The following SNED1 variants were observed in gnomAD, a reference collection of about 807,000 sequenced individuals.
The protein encoded by SNED1 is sushi, nidogen and EGF like domains 1, also known as sushi, nidogen and EGF-like domain-containing protein 1.
SNED1 carries 81 observed loss-of-function variants against 166.7 expected under a neutral mutation model. The observed-to-expected ratio is 0.49, with a 90% CI of 0.41 to 0.58. The LOEUF (loss-of-function observed/expected upper bound fraction) is 0.58, where lower values mean the gene tolerates loss of function less well. SNED1 is among the 20% of genes least tolerant of loss of function. The pLI is 0.00. For synonymous variants in SNED1, 762 were observed against 822.0 expected (o/e 0.93, Z 1.25); for missense variants, 1,604 against 2,000.2 (o/e 0.80, Z 3.78).
chr2:241,068,921 C>A lies in SNED1; in HGVS notation c.3205C>A (p.Pro1069Thr). Residue 1069 changes from proline (P) to threonine (T), a missense_variant, in exon 23 of 32, where the codon CCT becomes ACT. Pro to Thr is a conservative substitution (Grantham distance 38). Coordinates refer to ENST00000310397, the MANE Select transcript of SNED1 (RefSeq NM_001080437.3). This position sits in a 1 kb window ranked among gnomAD's most constrained non-coding sequence, Gnocchi z 5.3. ...VDRFTFRALL[P>T]GKRYTIQLTT... Reference sequence around the variant, plus strand: ...ACCTCCTGCCCACAGGGCCCTGCTGCCTGGGAAGAGGTACACCATCCAGCT... The same window carrying A: ...ACCTCCTGCCCACAGGGCCCTGCTGACTGGGAAGAGGTACACCATCCAGCT... The A allele has an allele frequency of 1.3e-6, 2 of 1,551,254 alleles. No individual in the cohort carries two copies. Among genetic ancestry groups the A allele is most frequent in the South Asian group, 1.2e-5 (1 of 84,060 alleles).
intron 1 of SNED1, among the ~76,000 whole-genome samples, chr2:241,001,988 T>C (rs942811661): frequency 1.2e-4 from 18 of 152,154 alleles, no homozygotes; most frequent in Non-Finnish European, 2.2e-4. Flanking sequence ...ACACCGCAAG[T>C]CTGCTGGCTC....
chr2:241,027,141 C>T (rs2060994523), intron 1 of SNED1, among the ~76,000 whole-genome samples: 1 of 151,846 alleles, frequency 6.6e-6, no homozygotes, highest in African/African-American at 2.4e-5. Context: ...AGTGCAGTGG[C>T]ATGATCTTGG....
chr2:241,072,296 C>T, intron 26 of SNED1: 1 of 448,056 alleles, frequency 2.2e-6, no homozygotes, highest in Non-Finnish European at 4.5e-6. Context: ...CCGCCACTGT[C>T]CTGGCAAGAT....
chr2:241,033,881 C>T lies in SNED1; in HGVS notation c.642+6C>T, dbSNP rs577220232. On this transcript the variant is annotated splice_donor_region_variant and intron_variant, in intron 3 of 31. Transcript: ENST00000310397. ...TCGGGGGCATCGCAGCCCAGGTAGG[C>T]GAGTGCAGTCGGTGCTCTGTGTTCA... is the stretch of plus-strand genomic sequence containing the variant. 10 of 1,590,928 alleles carry T rather than the reference C, an allele frequency of 6.3e-6. No homozygotes were observed. Among genetic ancestry groups the T allele is most frequent in the East Asian group, 4.6e-5 (2 of 43,928 alleles).
chr2:241,057,412 T>TATATATATATATATATATATGC (rs1553574678), intron 16 of SNED1, among the ~76,000 whole-genome samples: 1 of 129,374 alleles, frequency 7.7e-6, no homozygotes, highest in African/African-American at 3.0e-5. Flanking sequence ...TATATATATA[T>TATATATATATATATATATATGC]GCCATACGCA....
intron 24 of SNED1, 49 bp from the exon 25 acceptor site, chr2:241,071,527 G>C: frequency 6.4e-7 from 1 of 1,553,090 alleles, no homozygotes; most frequent in Non-Finnish European, 8.6e-7. Context: ...GCAGGGACAG[G>C]AGCAGAGGGC....
chr2:241,072,768 C>G (rs1011367179), intron 26 of SNED1: 7 of 188,766 alleles, frequency 3.7e-5, no homozygotes, highest in African/African-American at 1.7e-4. Context: ...GTTGTACTTG[C>G]AGCTATGGAA....
chr2:240,999,739 G>T lies in SNED1; in HGVS notation c.213+689G>T, dbSNP rs1435310258. On this transcript the variant is annotated intron_variant, in intron 1 of 31. Transcript: ENST00000310397. This position sits in a 1 kb window ranked among gnomAD's most constrained non-coding sequence, Gnocchi z 5.8. ...TCAGCTCAGCTGAAGGAACAGGCCC[G>T]AGTGCCGGTTCTGTCTCCATGGCTC... Among the ~76,000 whole-genome samples the T allele has an allele frequency of 6.6e-6, 1 of 152,174 alleles. No individual in the cohort carries two copies. Among genetic ancestry groups the T allele is most frequent in the African/African-American group, 2.4e-5 (1 of 41,440 alleles).
intron 1 of SNED1, among the ~76,000 whole-genome samples, chr2:241,004,258 C>T (rs753083760): frequency 6.6e-6 from 1 of 152,234 alleles, no homozygotes; most frequent in Non-Finnish European, 1.5e-5. Context: ...ACCCTTACCA[C>T]ACCTTAATGA....
chr2:241,079,339 G>C (rs2063211272), intron 27 of SNED1, among the ~76,000 whole-genome samples: 1 of 151,300 alleles, frequency 6.6e-6, no homozygotes, highest in South Asian at 2.1e-4. Context: ...ATGAACCCAG[G>C]AGGCGGAGCT....
Position 241,013,938 on chromosome 2 carries a change from C to T in SNED1, c.213+14888C>T, listed in dbSNP as rs2060494858. Among the ~76,000 whole-genome samples, 1 of 151,904 alleles carries T rather than the reference C, an allele frequency of 6.6e-6. No individual in the cohort carries two copies. Among genetic ancestry groups the T allele is most frequent in the Non-Finnish European group, 1.5e-5 (1 of 67,978 alleles). On this transcript the variant is annotated intron_variant, in intron 1 of 31. Coordinates refer to ENST00000310397, the MANE Select transcript of SNED1 (RefSeq NM_001080437.3). This position sits in a 1 kb window ranked among gnomAD's most constrained non-coding sequence, Gnocchi z 4.6. ...GGGTATATACTCAGAAGTGGGATTG[C>T]TAGGCCATATGTCAGTTCTATTTTT...
At position 241,091,672 on chromosome 2, in the gene SNED1, C is replaced by T. The variant is rs903713928; in HGVS notation, c.*36C>T. 1 of 152,240 alleles carries T rather than the reference C, an allele frequency of 6.6e-6. No individual in the cohort carries two copies. Among genetic ancestry groups the T allele is most frequent in the Non-Finnish European group, 1.5e-5 (1 of 68,048 alleles). 9.4% of individuals were successfully genotyped at this position (152,240 alleles called of 1,614,324 possible). A position where few individuals can be genotyped will look rare whatever the true frequency, so the allele number is the denominator to read the frequency against. On this transcript the variant is annotated 3_prime_UTR_variant, in exon 32 of 32. Transcript: ENST00000310397. This position sits in a 1 kb window ranked among gnomAD's most constrained non-coding sequence, Gnocchi z 4.1. ...CGTTCTTGTTACACTCCACCAACCT[C>T]ACGAGTTTCTAACACCCAGGAAGAT... is the stretch of plus-strand genomic sequence containing the variant.
chr2:241,082,343 A>G lies in SNED1; in HGVS notation c.4100A>G (p.Glu1367Gly). Residue 1367 changes from glutamate (E) to glycine (G), a missense_variant, in exon 29 of 32, where the codon GAG becomes GGG. Glu to Gly is a moderately conservative substitution (Grantham distance 98). Coordinates refer to ENST00000310397, the MANE Select transcript of SNED1 (RefSeq NM_001080437.3). ...GAGACAAAGGCCTTTCCAGTCTGGGAGGGAGGCGTCTGTCACCACGTGTAA... is the reference window on the plus strand; with the variant it reads ...GAGACAAAGGCCTTTCCAGTCTGGGGGGGAGGCGTCTGTCACCACGTGTAA... ...FSETKAFPVW[E>G]GGVCHHVYKR... 1.2e-6 allele frequency: 2 copies of G among 1,613,150 alleles called. No homozygotes were observed. Among genetic ancestry groups the G allele is most frequent in the Non-Finnish European group, 1.7e-6 (2 of 1,179,294 alleles).
Position 241,034,828 on chromosome 2 carries a change from G to A in SNED1, c.805+98G>A, listed in dbSNP as rs557614424. Reference sequence around the variant, plus strand: ...GACGAAGGGGGCTGGATGCTGACGGGGAGAGCAGGAGCACTTGGGTGTCCA... The same window carrying A: ...GACGAAGGGGGCTGGATGCTGACGGAGAGAGCAGGAGCACTTGGGTGTCCA... On this transcript the variant is annotated intron_variant, in intron 4 of 31. Transcript: ENST00000310397. The A allele has an allele frequency of 2.3e-6, 3 of 1,312,404 alleles. No individual in the cohort carries two copies. In the East Asian group the frequency reaches 7.9e-5, roughly 35 times the overall value. 81.3% of individuals were successfully genotyped at this position (1,312,404 alleles called of 1,614,324 possible).
chr2:241,048,642 C>T lies in SNED1; in HGVS notation c.1400-20C>T, dbSNP rs781740535. The T allele has an allele frequency of 3.0e-5, 48 of 1,592,186 alleles. No homozygotes were observed. In the Middle Eastern group the frequency reaches 5.0e-4, roughly 16 times the overall value. On this transcript the variant is annotated intron_variant, in intron 9 of 31. Transcript: ENST00000310397. ...TTTCTGCGCCCCCACATGGGAGGCT[C>T]CTCCCTCTCTTCGTGGCAGGAGTCC...
intron 21 of SNED1, among the ~76,000 whole-genome samples, chr2:241,067,225 C>G (rs1291570335): frequency 6.6e-6 from 1 of 152,214 alleles, no homozygotes; most frequent in Non-Finnish European, 1.5e-5. Flanking sequence ...GCGCTGCCCT[C>G]TGGGCTCTGC....
At chr2:241,032,817 C>T (rs1229658021) in intron 2 of SNED1, among the ~76,000 whole-genome samples, 1 of 152,086 alleles carries the variant, frequency 6.6e-6, no homozygotes, top group Non-Finnish European at 1.5e-5. Flanking sequence ...TGATGTGTCT[C>T]TTCATACCCT....
chr2:241,060,534 C>T (rs1320868961), intron 16 of SNED1, among the ~76,000 whole-genome samples: 5 of 152,116 alleles, frequency 3.3e-5, no homozygotes, highest in Non-Finnish European at 7.3e-5. Context: ...AGAAAATATT[C>T]ATGAGAGCTG....
At position 241,064,177 on chromosome 2, in the gene SNED1, C is replaced by T; in HGVS notation, c.2599+52C>T. On this transcript the variant is annotated intron_variant, in intron 19 of 31. Transcript: ENST00000310397. The surrounding 1 kb of genome is among the most constrained non-coding windows in gnomAD (Gnocchi z 7.0). ...CGCCCTCTGCCCGCCTGCTCCCCGC[C>T]CTCTGCCCGCCTGCTGCCCGCCCTC... The T allele has an allele frequency of 7.9e-7, 1 of 1,258,778 alleles. No homozygotes were observed. The highest frequency in any genetic ancestry group is 1.1e-6 in the Non-Finnish European group (1 of 916,274). The allele number at this position is 1,258,778 out of a possible 1,614,324, so 78.0% of individuals were successfully genotyped here.
Sources: gnomAD v4.1 joint callset for allele counts (sites outside exome capture counted in the v4.1 genomes callset) on GRCh38, gnomAD v4.1.1 for gene constraint, Gnocchi (gnomAD v3.1) non-coding constraint, MANE v1.5 for transcripts, NCBI Gene and HGNC (gene_info 2026-07-23, HGNC 2026-07-21) for gene names.